The following CMTR1 variants were observed in gnomAD, a reference collection of about 807,000 sequenced individuals.
The protein encoded by CMTR1 is cap methyltransferase 1, also known as cap-specific mRNA (nucleoside-2'-O-)-methyltransferase 1.
A neutral mutation model predicts 107.0 loss-of-function variants in CMTR1; 39 were observed. The ratio of observed to expected loss-of-function variants is 0.36; its 90% confidence interval spans 0.28 to 0.48. The LOEUF is 0.48. CMTR1 is among the 20% of genes least tolerant of loss of function. CMTR1 has a pLI of 0.99. For missense variants in CMTR1, 672 were observed against 1,064.9 expected (o/e 0.63, Z 5.14); for synonymous variants, 366 against 379.5 (o/e 0.96, Z 0.41).
chr6:37,454,509 C>T (rs1330549131), intron 8 of CMTR1, among the ~76,000 whole-genome samples: 1 of 152,210 alleles, frequency 6.6e-6, no homozygotes, highest in Non-Finnish European at 1.5e-5. Flanking sequence ...CCCTGCCTGG[C>T]AGAGGAGCTC....
Position 37,472,412 on chromosome 6 carries a change from A to G in CMTR1, c.1621-7A>G. The G allele has an allele frequency of 1.9e-6, 3 of 1,614,132 alleles. No homozygotes were observed. The highest frequency in any genetic ancestry group is 1.1e-5 in the South Asian group (1 of 91,082). ...GAAAGTCAAAGCTCTTTGCTGTCTT[A>G]TTTCAGATCCCAGACCAGGCTCGTG... On this transcript the variant is annotated splice_region_variant and splice_polypyrimidine_tract_variant and intron_variant, in intron 15 of 23. Coordinates refer to ENST00000373451, the MANE Select transcript of CMTR1 (RefSeq NM_015050.3). The surrounding 1 kb of genome is among the most constrained non-coding windows in gnomAD (Gnocchi z 4.1).
intron 10 of CMTR1, among the ~76,000 whole-genome samples, chr6:37,460,454 T>C (rs912256163): frequency 6.6e-6 from 1 of 151,686 alleles, no homozygotes; most frequent in Admixed American, 6.6e-5. Context: ...CAGCTGTTGC[T>C]GTGCGGCAGC....
chr6:37,471,706 GGC>G, intron 14 of CMTR1, 139 bp from the exon 15 acceptor site: 1 of 641,062 alleles, frequency 1.6e-6, no homozygotes, highest in South Asian at 2.1e-5. Context: ...AATCACGCTG[GGC>G]CAGTGGCAGC....
chr6:37,466,631 G>C (rs372028623), intron 13 of CMTR1, among the ~76,000 whole-genome samples: 1 of 152,172 alleles, frequency 6.6e-6, no homozygotes, highest in South Asian at 2.1e-4. Context: ...GTTTATTTCT[G>C]GGCTATCTCT....
intron 19 of CMTR1, 31 bp downstream of exon 19, chr6:37,475,443 G>T (rs373234138): frequency 1.3e-6 from 2 of 1,581,570 alleles, no homozygotes; most frequent in South Asian, 1.1e-5. Flanking sequence ...TAGGGAGGGT[G>T]GGGGTAGGCC....
chr6:37,470,179 C>T (rs1220655448), intron 13 of CMTR1, among the ~76,000 whole-genome samples: 3 of 149,176 alleles, frequency 2.0e-5, no homozygotes, highest in Non-Finnish European at 4.4e-5. Context: ...TGGAGTCTTG[C>T]ACTGTTGCCC....
rs117324722 is a variant in CMTR1, at chr6:37,462,197, G to A, written c.1325+95G>A. ...TCTCTGGCATGACCTCTTAAGCTAC[G>A]TTTAAAACCTTGACTTTAAAGAAGT... On this transcript the variant is annotated intron_variant, in intron 12 of 23. Coordinates refer to ENST00000373451, the MANE Select transcript of CMTR1 (RefSeq NM_015050.3). 4.0e-4 allele frequency: 580 copies of A among 1,436,706 alleles called. 1 individual carries two copies. Among genetic ancestry groups the A allele is most frequent in the Middle Eastern group, 2.1e-3 (12 of 5,698 alleles). 89.0% of individuals were successfully genotyped at this position (1,436,706 alleles called of 1,614,324 possible).
At chr6:37,439,924 G>C (rs970306147) in intron 2 of CMTR1, among the ~76,000 whole-genome samples, 1 of 152,184 alleles carries the variant, frequency 6.6e-6, no homozygotes, top group Non-Finnish European at 1.5e-5. Flanking sequence ...TGGGACTACA[G>C]GCACATGCCA....
chr6:37,428,433 CTGTT>C (rs1219373321), upstream of CMTR1, among the ~76,000 whole-genome samples: 10 of 152,178 alleles, frequency 6.6e-5, no homozygotes, highest in East Asian at 1.9e-3. Flanking sequence ...TTCCCTGGCT[CTGTT>C]TGTCAGAGTT....
chr6:37,443,677 T>C (rs955684096), intron 2 of CMTR1, among the ~76,000 whole-genome samples: 1 of 152,152 alleles, frequency 6.6e-6, no homozygotes, highest in South Asian at 2.1e-4. Flanking sequence ...TTCAAATACG[T>C]TATTTCATTT....
chr6:37,463,602 AG>A (rs1369629831), intron 13 of CMTR1, among the ~76,000 whole-genome samples: 2 of 151,998 alleles, frequency 1.3e-5, no homozygotes, highest in East Asian at 1.9e-4. Flanking sequence ...GATAGGCTGG[AG>A]GGTTGTATAG....
chr6:37,424,944 CTTTT>C, the CMTR1 span, among the ~76,000 whole-genome samples: 1 of 101,386 alleles, frequency 9.9e-6, no homozygotes, highest in Non-Finnish European at 1.9e-5. Context: ...TTTTCCCTCA[CTTTT>C]TTTTTTTTTT....
rs1204872492 is a variant in CMTR1 at position 37,458,548 on chromosome 6, C to T, written c.778-64C>T. On this transcript the variant is annotated intron_variant, in intron 8 of 23. Coordinates refer to ENST00000373451, the MANE Select transcript of CMTR1 (RefSeq NM_015050.3). The surrounding 1 kb of genome is among the most constrained non-coding windows in gnomAD (Gnocchi z 4.7). ...CTTATTTTACTCTCCCTGCATTCTC[C>T]TTCCTGTTGCCCATTGAGCTGTCTT... 11 of 1,519,794 alleles carry T rather than the reference C, an allele frequency of 7.2e-6. No homozygotes were observed. In the East Asian group the frequency reaches 2.5e-4, roughly 34 times the overall value. The allele number at this position is 1,519,794 out of a possible 1,614,324, so 94.1% of individuals were successfully genotyped here.
chr6:37,453,347 C>T, intron 8 of CMTR1, 35 bp downstream of exon 8: 3 of 1,583,510 alleles, frequency 1.9e-6, no homozygotes, highest in South Asian at 1.1e-5. Context: ...ATTCATGGTG[C>T]TAAGAGGGCT....
At chr6:37,465,063 G>GT (rs1761478357) in intron 13 of CMTR1, among the ~76,000 whole-genome samples, 1 of 152,108 alleles carries the variant, frequency 6.6e-6, no homozygotes, top group East Asian at 1.9e-4. Context: ...GAGGTCGGGA[G>GT]TTTGAGACCA....
Position 37,459,567 on chromosome 6 carries a change from T to A in CMTR1, c.978T>A (p.Gly326=). ...ACTATGACTCTTGTATTCTGACAGG[T>A]GAGGGTGGGATTGATGGAGATGGAG... is the stretch of plus-strand genomic sequence containing the variant. ...ASSELFEPYY[G]EGGIDGDGDI... The change falls in exon 10 of 24, where the codon GGT becomes GGA. Residue 326 remains glycine (G), a splice_region_variant and synonymous_variant. Transcript: ENST00000373451. The A allele has an allele frequency of 6.2e-7, 1 of 1,613,640 alleles. No homozygotes were observed. Among genetic ancestry groups the A allele is most frequent in the South Asian group, 1.1e-5 (1 of 91,064 alleles).
rs1761361910 is a variant in CMTR1 at position 37,459,636 on chromosome 6, C to T, written c.1047C>T (p.Val349=). The T allele has an allele frequency of 1.2e-6, 2 of 1,614,132 alleles. No individual in the cohort carries two copies. Among genetic ancestry groups the T allele is most frequent in the Non-Finnish European group, 1.7e-6 (2 of 1,180,034 alleles). The part of the protein sequence containing the change: ...PENISAFRNF[V]LDNTDRKGVH... ...ACATCTCTGCTTTTCGGAATTTTGT[C>T]CTGGATAACACAGATCGCAAGGGTG... The change falls in exon 10 of 24, where the codon GTC becomes GTT. Residue 349 remains valine (V), a synonymous_variant. Coordinates refer to ENST00000373451, the MANE Select transcript of CMTR1 (RefSeq NM_015050.3).
chr6:37,472,433 T>C lies in CMTR1; in HGVS notation c.1635T>C (p.Ala545=), dbSNP rs1217922755. The C allele has an allele frequency of 1.2e-6, 2 of 1,614,130 alleles. No individual in the cohort carries two copies. The highest frequency in any genetic ancestry group is 2.7e-5 in the African/African-American group (2 of 74,938). The stretch of plus-strand genomic sequence containing the variant: ...TCTTATTTCAGATCCCAGACCAGGC[T>C]CGTGTGGCTCCTTCTTCCTCCGACC... ...CLRLWGIPDQ[A]RVAPSSSDPK... The change falls in exon 16 of 24, where the codon GCT becomes GCC. Residue 545 remains alanine (A), a synonymous_variant. Transcript: ENST00000373451. The surrounding 1 kb of genome is among the most constrained non-coding windows in gnomAD (Gnocchi z 4.1).
In CMTR1 at chr6:37,450,232, GC is replaced by G. The variant is rs1288049136; in HGVS notation, c.445-17del. On this transcript the variant is annotated intron_variant, in intron 4 of 23. Coordinates refer to ENST00000373451, the MANE Select transcript of CMTR1 (RefSeq NM_015050.3). ...AGGGTGTGTCATATCTGTCTTACTAGCCTCTCTTTTGTTTGCAGCCCAGTGC... is the reference window on the plus strand; with the variant it reads ...AGGGTGTGTCATATCTGTCTTACTAGCTCTCTTTTGTTTGCAGCCCAGTGC... The G allele has an allele frequency of 6.2e-7, 1 of 1,606,200 alleles. No homozygotes were observed. Among genetic ancestry groups the G allele is most frequent in the Non-Finnish European group, 8.5e-7 (1 of 1,172,888 alleles).
Sources: allele counts gnomAD v4.1 joint callset (sites outside exome capture counted in the v4.1 genomes callset), GRCh38; gene constraint gnomAD v4.1.1; non-coding constraint Gnocchi (gnomAD v3.1); transcripts MANE v1.5; gene names NCBI Gene and HGNC (gene_info 2026-07-23, HGNC 2026-07-21).